TFDP2: variants seen among roughly 807,000 people sequenced by gnomAD.
The protein encoded by TFDP2 is transcription factor Dp-2, also known as transcription factor Dp-2 (E2F dimerization partner 2).
A neutral mutation model predicts 59.3 loss-of-function variants in TFDP2; 17 were observed. That is an observed-to-expected ratio of 0.29 (90% CI 0.20 to 0.43). TFDP2 has a LOEUF of 0.43. TFDP2 is among the 20% of genes least tolerant of loss of function. The pLI is 1.00. For synonymous variants in TFDP2, 180 were observed against 194.7 expected (o/e 0.92, Z 0.63); for missense variants, 391 against 528.8 (o/e 0.74, Z 2.56).
intron 3 of TFDP2, among the ~76,000 whole-genome samples, chr3:142,008,329 T>C (rs564584135): frequency 1.3e-4 from 20 of 152,024 alleles, no homozygotes; most frequent in Non-Finnish European, 5.9e-5. Flanking sequence ...AAAACTGTTC[T>C]GAACACTCCC....
intron 1 of TFDP2, among the ~76,000 whole-genome samples, chr3:142,141,785 T>C (rs2108752980): frequency 6.6e-6 from 1 of 151,486 alleles, no homozygotes; most frequent in South Asian, 2.1e-4. Flanking sequence ...ATCATGCCAC[T>C]GCACTCCAGC....
chr3:142,017,981 C>A (rs551601159), intron 3 of TFDP2, among the ~76,000 whole-genome samples: 1 of 142,672 alleles, frequency 7.0e-6, no homozygotes, highest in East Asian at 2.0e-4. Context: ...CTGCTCTTGT[C>A]GTCCAGGCTG....
At chr3:141,987,531 A>G (rs112495670) in intron 6 of TFDP2, among the ~76,000 whole-genome samples, 1 of 146,238 alleles carries the variant, frequency 6.8e-6, no homozygotes, top group East Asian at 2.1e-4. Context: ...GATCCACCCA[A>G]CTTAGCCTCC....
intron 2 of TFDP2, among the ~76,000 whole-genome samples, chr3:142,099,105 G>T (rs959690670): frequency 2.6e-5 from 4 of 152,198 alleles, no homozygotes; most frequent in African/African-American, 9.7e-5. Context: ...TAATGCCTCT[G>T]TAAGAGGGCA....
At position 141,944,961 on chromosome 3, in the gene TFDP2, A is replaced by C. The variant is rs941651184; in HGVS notation, c.*7552T>G. On this transcript the variant is annotated 3_prime_UTR_variant, in exon 13 of 13. Transcript: ENST00000489671. Reference sequence around the variant, plus strand: ...GATGTGGTGGTTGCATTTTCCTCTTATCTCTCTTGTTTAAATTGCTTAAAG... The same window carrying C: ...GATGTGGTGGTTGCATTTTCCTCTTCTCTCTCTTGTTTAAATTGCTTAAAG... The C allele has an allele frequency of 6.6e-6, 1 of 152,208 alleles. No homozygotes were observed. Among genetic ancestry groups the C allele is most frequent in the Non-Finnish European group, 1.5e-5 (1 of 68,026 alleles). The allele number at this position is 152,208 out of a possible 1,614,324, so 9.4% of individuals were successfully genotyped here.
intron 3 of TFDP2, among the ~76,000 whole-genome samples, chr3:142,064,633 G>A (rs749691203): frequency 6.6e-6 from 1 of 152,118 alleles, no homozygotes; most frequent in African/African-American, 2.4e-5. Flanking sequence ...TGTCAGTCAT[G>A]CTGCTTTTCA....
At chr3:142,113,757 T>C (rs962824745) in intron 1 of TFDP2, among the ~76,000 whole-genome samples, 1 of 152,190 alleles carries the variant, frequency 6.6e-6, no homozygotes, top group African/African-American at 2.4e-5. Flanking sequence ...TTTCTAATGC[T>C]TATTTAGAAT....
At chr3:142,037,191 C>G (rs1946731942) in intron 3 of TFDP2, among the ~76,000 whole-genome samples, 1 of 152,168 alleles carries the variant, frequency 6.6e-6, no homozygotes, top group South Asian at 2.1e-4. Flanking sequence ...TTCATTCAAT[C>G]TACACATATT....
In TFDP2 at chr3:141,959,681, A is replaced by G. The variant is rs756584805; in HGVS notation, c.1044T>C (p.Tyr348=). Residue 348 remains tyrosine, a synonymous_variant, in exon 11 of 13, where the codon TAT becomes TAC. Transcript: ENST00000489671. ...AAGCATCAGTTAACATACCTGTGAT[A>G]TAACCTTCTAAAGCCTTTGGCACCA... ...KSLVPKALEG[Y]ITDISTGPSW... 20 of 1,614,018 alleles carry G rather than the reference A, an allele frequency of 1.2e-5. No homozygotes were observed. In the East Asian group the frequency reaches 4.2e-4, roughly 34 times the overall value.
At chr3:142,094,256 A>G (rs531502555) in intron 2 of TFDP2, among the ~76,000 whole-genome samples, 56 of 152,122 alleles carry the variant, frequency 3.7e-4, no homozygotes, top group Non-Finnish European at 6.2e-4. Flanking sequence ...TTGTTACATT[A>G]CACTAACTTG....
At chr3:142,023,122 C>CAAA (rs765096570) in intron 3 of TFDP2, among the ~76,000 whole-genome samples, 37 of 59,508 alleles carry the variant, frequency 6.2e-4, no homozygotes, top group African/African-American at 1.9e-3. Context: ...CCCTCCGTCT[C>CAAA]AAAAAAAAAA....
At chr3:141,993,003 TAAGA>T (rs1044522424) in intron 6 of TFDP2, among the ~76,000 whole-genome samples, 1 of 152,112 alleles carries the variant, frequency 6.6e-6, no homozygotes, top group Non-Finnish European at 1.5e-5. Flanking sequence ...ACATATTGCT[TAAGA>T]AAGAAGCAAG....
At chr3:142,120,145 A>G (rs6775829) in intron 1 of TFDP2, among the ~76,000 whole-genome samples, 56,310 of 150,374 alleles carry the variant, frequency 0.37, 11,334 homozygotes, top group African/African-American at 0.51. Flanking sequence ...GGCAGATCAC[A>G]AGGTCAGGAG....
intron 7 of TFDP2, among the ~76,000 whole-genome samples, chr3:141,974,618 C>G (rs1940319071): frequency 6.6e-6 from 1 of 152,058 alleles, no homozygotes; most frequent in Non-Finnish European, 1.5e-5. Context: ...GTCTAGAATA[C>G]AGAACTTAAT....
intron 1 of TFDP2, among the ~76,000 whole-genome samples, chr3:142,137,954 A>G (rs2062797122): frequency 6.6e-6 from 1 of 152,198 alleles, no homozygotes; most frequent in African/African-American, 2.4e-5. Flanking sequence ...GAATGGTACC[A>G]GCTCCTCTTT....
intron 3 of TFDP2, among the ~76,000 whole-genome samples, chr3:142,070,463 T>C (rs2060210085): frequency 6.6e-6 from 1 of 152,144 alleles, no homozygotes; most frequent in Non-Finnish European, 1.5e-5. Context: ...TTATCTTTTG[T>C]AGAGGCAATG....
At chr3:142,139,903 A>G (rs1181467465) in intron 1 of TFDP2, among the ~76,000 whole-genome samples, 4 of 152,084 alleles carry the variant, frequency 2.6e-5, no homozygotes, top group African/African-American at 9.7e-5. Context: ...CTGAATTTCA[A>G]TGTTGGCCTA....
intron 11 of TFDP2, among the ~76,000 whole-genome samples, chr3:141,958,465 T>G (rs1936963668): frequency 6.6e-6 from 1 of 152,232 alleles, no homozygotes; most frequent in South Asian, 2.1e-4. Flanking sequence ...TATTTCCAGT[T>G]TACCATTTTG....
rs62753560 is a variant in TFDP2 at position 142,018,929 on chromosome 3, G to GT, written c.83-13386dup. 2.7e-3 allele frequency among the ~76,000 whole-genome samples: 339 copies of GT among 125,198 alleles called. 10 individuals are homozygous for GT. Among genetic ancestry groups the GT allele is most frequent in the African/African-American group, 7.3e-3 (236 of 32,530 alleles). The allele number at this position is 125,198 out of a possible 152,430, so 82.1% of individuals were successfully genotyped here. A position where few individuals can be genotyped will look rare whatever the true frequency, so the allele number is the denominator to read the frequency against. On this transcript the variant is annotated intron_variant, in intron 3 of 12. Coordinates refer to ENST00000489671, the MANE Select transcript of TFDP2 (RefSeq NM_001178139.2). ...ATGTCCACCTATTGGTTTTTGGTGA[G>GT]TTTTTTTTTTTTTTTTTGGTAGAAC... is the stretch of plus-strand genomic sequence containing the variant.
Sources: gnomAD v4.1 joint callset for allele counts (sites outside exome capture counted in the v4.1 genomes callset) on GRCh38, gnomAD v4.1.1 for gene constraint, MANE v1.5 for transcripts, NCBI Gene and HGNC (gene_info 2026-07-23, HGNC 2026-07-21) for gene names.